The following MGMT variants were observed in gnomAD, a reference collection of about 807,000 sequenced individuals.
MGMT encodes O-6-methylguanine-DNA methyltransferase.
MGMT carries 14 observed loss-of-function variants against 15.9 expected under a neutral mutation model. That is an observed-to-expected ratio of 0.88 (90% CI 0.58 to 1.37). MGMT has a LOEUF of 1.37. Ranked by LOEUF, MGMT falls within the 40% of genes most tolerant of loss-of-function variation. The pLI is 0.00. For missense variants in MGMT, 282 were observed against 268.1 expected (o/e 1.05, Z -0.36); for synonymous variants, 130 against 118.2 (o/e 1.10, Z -0.65).
At chr10:129,718,820 A>ACCTTCCTAGGCTGTCTAGAGG (rs2133152381) in intron 3 of MGMT, among the ~76,000 whole-genome samples, 1 of 151,652 alleles carries the variant, frequency 6.6e-6, no homozygotes, top group Non-Finnish European at 1.5e-5. Flanking sequence ...CAGGCACATC[A>ACCTTCCTAGGCTGTCTAGAGG]CCTTCCTAGG....
intron 2 of MGMT, among the ~76,000 whole-genome samples, chr10:129,680,233 A>T (rs1847834774): frequency 6.6e-6 from 1 of 152,190 alleles, no homozygotes; most frequent in Admixed American, 6.5e-5. Context: ...GGTGAATTGT[A>T]CAAGCTGAGG....
At chr10:129,515,138 C>T (rs1310505965) in intron 1 of MGMT, among the ~76,000 whole-genome samples, 1 of 149,986 alleles carries the variant, frequency 6.7e-6, no homozygotes, top group East Asian at 2.1e-4. Context: ...GATTGAGAGA[C>T]GTGTGCTGAC....
At chr10:129,635,300 C>G (rs1044410256) in intron 2 of MGMT, among the ~76,000 whole-genome samples, 7 of 152,166 alleles carry the variant, frequency 4.6e-5, no homozygotes, top group African/African-American at 1.7e-4. Flanking sequence ...TGTCTCTGTC[C>G]CTCCAGTTCT....
At chr10:129,626,596 T>C (rs1355902894) in intron 2 of MGMT, among the ~76,000 whole-genome samples, 1 of 152,118 alleles carries the variant, frequency 6.6e-6, no homozygotes, top group Non-Finnish European at 1.5e-5. Context: ...TCTGCTGTGC[T>C]CTTTGGGAGG....
At chr10:129,645,925 C>G (rs1847383443) in intron 2 of MGMT, among the ~76,000 whole-genome samples, 1 of 152,162 alleles carries the variant, frequency 6.6e-6, no homozygotes, top group Non-Finnish European at 1.5e-5. Context: ...GTCTTGCTAA[C>G]CAGCAGACCA....
At chr10:129,522,630 G>A (rs1458602602) in intron 1 of MGMT, among the ~76,000 whole-genome samples, 1 of 152,234 alleles carries the variant, frequency 6.6e-6, no homozygotes, top group African/African-American at 2.4e-5. Flanking sequence ...CCATCCCAGT[G>A]CAGGTGGAAA....
Position 129,759,230 on chromosome 10 carries a change from G to A in MGMT, c.303G>A (p.Lys101=). The A allele has an allele frequency of 6.2e-7, 1 of 1,614,182 alleles. No homozygotes were observed. ...CGTTCACCAGACAGGTGTTATGGAA[G>A]CTGCTGAAGGTTGTGAAATTCGGAG... is the stretch of plus-strand genomic sequence containing the variant. ...QESFTRQVLW[K]LLKVVKFGEV... The change falls in exon 4 of 5, where the codon AAG becomes AAA. Residue 101 remains lysine, a synonymous_variant. Transcript: ENST00000651593.
intron 3 of MGMT, among the ~76,000 whole-genome samples, chr10:129,743,076 C>G (rs1848654841): frequency 6.6e-6 from 1 of 152,208 alleles, no homozygotes; most frequent in South Asian, 2.1e-4. Context: ...CTAATTTCCC[C>G]TTGGCCGCTA....
Position 129,659,220 on chromosome 10 carries a change from G to A in MGMT, c.126-48675G>A, listed in dbSNP as rs1847567377. On this transcript the variant is annotated intron_variant, in intron 2 of 4. Transcript: ENST00000651593. This position sits in a 1 kb window ranked among gnomAD's most constrained non-coding sequence, Gnocchi z 4.1. The stretch of plus-strand genomic sequence containing the variant: ...AAAAATACAAAACTTACCTGGGCAT[G>A]GTGGTGCACACCCGTAGTCTCAGCT... Among the ~76,000 whole-genome samples, 3 of 152,248 alleles carry A rather than the reference G, an allele frequency of 2.0e-5. No homozygotes were observed. The highest frequency in any genetic ancestry group is 4.1e-4 in the South Asian group (2 of 4,824).
At chr10:129,757,364 C>T (rs933503756) in intron 3 of MGMT, among the ~76,000 whole-genome samples, 10 of 152,326 alleles carry the variant, frequency 6.6e-5, no homozygotes, top group African/African-American at 2.2e-4. Flanking sequence ...CATTGTTTCT[C>T]GGAACTGCTC....
intron 2 of MGMT, among the ~76,000 whole-genome samples, chr10:129,632,423 G>A (rs1024165256): frequency 1.3e-5 from 2 of 152,116 alleles, no homozygotes; most frequent in African/African-American, 4.8e-5. Context: ...GAAGAACTGG[G>A]GCCCAGCGAG....
At chr10:129,472,441 A>T (rs754830580) in intron 1 of MGMT, among the ~76,000 whole-genome samples, 6 of 152,106 alleles carry the variant, frequency 3.9e-5, no homozygotes, top group Non-Finnish European at 7.3e-5. Context: ...GGATGAAACG[A>T]GAAGACGGCG....
chr10:129,475,042 T>C (rs1386197453), intron 1 of MGMT, among the ~76,000 whole-genome samples: 1 of 152,022 alleles, frequency 6.6e-6, no homozygotes, highest in Admixed American at 6.6e-5. Flanking sequence ...GTTGAAGATG[T>C]TGAAGAAGTC....
At chr10:129,644,672 G>A (rs183909444) in intron 2 of MGMT, among the ~76,000 whole-genome samples, 74 of 152,222 alleles carry the variant, frequency 4.9e-4, no homozygotes, top group African/African-American at 1.8e-3. Flanking sequence ...TTATCAGAAG[G>A]GAAATAAAAC....
intron 3 of MGMT, among the ~76,000 whole-genome samples, chr10:129,734,848 T>C (rs1262484333): frequency 2.0e-5 from 3 of 152,244 alleles, no homozygotes; most frequent in Non-Finnish European, 4.4e-5. Context: ...GTTCTGTTTA[T>C]ATGCTGGATT....
At chr10:129,637,795 G>A (rs552715824) in intron 2 of MGMT, among the ~76,000 whole-genome samples, 2 of 152,178 alleles carry the variant, frequency 1.3e-5, no homozygotes, top group African/African-American at 4.8e-5. Context: ...ATGTGAAGTG[G>A]CAGCAAGGGG....
intron 3 of MGMT, among the ~76,000 whole-genome samples, chr10:129,732,650 G>A (rs1848514191): frequency 2.0e-5 from 3 of 149,076 alleles, no homozygotes; most frequent in Admixed American, 1.3e-4. Flanking sequence ...CTTGTGCACT[G>A]CACCCACTAA....
intron 1 of MGMT, among the ~76,000 whole-genome samples, chr10:129,476,502 A>AG (rs1589827510): frequency 1.3e-5 from 2 of 152,138 alleles, no homozygotes; most frequent in African/African-American, 4.8e-5. Flanking sequence ...CGTGGTCTCC[A>AG]GGGGTGTCCT....
intron 2 of MGMT, among the ~76,000 whole-genome samples, chr10:129,643,404 G>T (rs1220099359): frequency 6.6e-6 from 1 of 152,224 alleles, no homozygotes; most frequent in Non-Finnish European, 1.5e-5. Context: ...TGATGTGCCA[G>T]TAACTCCCTG....
Sources: gnomAD v4.1 joint callset for allele counts (sites outside exome capture counted in the v4.1 genomes callset) on GRCh38, gnomAD v4.1.1 for gene constraint, Gnocchi (gnomAD v3.1) non-coding constraint, MANE v1.5 for transcripts, NCBI Gene and HGNC (gene_info 2026-07-23, HGNC 2026-07-21) for gene names.